The following PLCB1 variants were observed in gnomAD, a reference collection of about 807,000 sequenced individuals.
PLCB1 encodes 1-phosphatidylinositol 4,5-bisphosphate phosphodiesterase beta-1.
A neutral mutation model predicts 161.8 loss-of-function variants in PLCB1; 46 were observed. The ratio of observed to expected loss-of-function variants is 0.28; its 90% CI spans 0.22 to 0.36. The LOEUF (loss-of-function observed/expected upper bound fraction) is 0.36. Among genes scored for constraint, PLCB1 ranks in the 10% least tolerant of loss-of-function variants. The probability of loss-of-function intolerance (pLI) is 1.00; values close to 1 mark genes in which losing one functional copy is unlikely to be tolerated. For missense variants in PLCB1, 1,016 were observed against 1,472.5 expected (o/e 0.69, Z 5.07); for synonymous variants, 517 against 503.7 (o/e 1.03, Z -0.35).
intron 2 of PLCB1, among the ~76,000 whole-genome samples, chr20:8,251,132 A>G (rs190799881): frequency 6.6e-4 from 101 of 152,058 alleles, no homozygotes; most frequent in African/African-American, 2.2e-3. Context: ...ACTTGTCAGA[A>G]GTGCAAAGGG....
chr20:8,780,239 C>T (rs1040496), intron 27 of PLCB1, among the ~76,000 whole-genome samples: 93,511 of 151,982 alleles, frequency 0.62, 29,240 homozygotes, highest in Non-Finnish European at 0.66. Flanking sequence ...ACTCTGGGTA[C>T]TCAGCTCTAC....
Position 8,722,924 on chromosome 20 carries a change from C to T in PLCB1, c.1581+503C>T, listed in dbSNP as rs115154723. On this transcript the variant is annotated intron_variant, in intron 15 of 31. Coordinates refer to ENST00000338037, the MANE Select transcript of PLCB1 (RefSeq NM_015192.4). ...GTTCCAGCTACTAGGGAGGCTGAGG[C>T]AGGAGGATGGCTTGAGTCCAAAAAT... Among the ~76,000 whole-genome samples the T allele has an allele frequency of 1.9e-3, 293 of 152,224 alleles. 1 individual carries two copies. The highest frequency in any genetic ancestry group is 6.8e-3 in the African/African-American group (281 of 41,540).
intron 3 of PLCB1, among the ~76,000 whole-genome samples, chr20:8,603,530 A>G (rs536355725): frequency 1.3e-3 from 203 of 152,332 alleles, no homozygotes; most frequent in Non-Finnish European, 2.7e-3. Context: ...TTGTCCATTC[A>G]ACTGTGTCTA....
chr20:8,538,555 C>T (rs1401524312), intron 3 of PLCB1, among the ~76,000 whole-genome samples: 1 of 152,084 alleles, frequency 6.6e-6, no homozygotes, highest in Non-Finnish European at 1.5e-5. Flanking sequence ...CCCTATGTTG[C>T]CCACCCTTGT....
intron 24 of PLCB1, 94 bp downstream of exon 24, chr20:8,757,272 A>C (rs1488305393): frequency 7.6e-7 from 1 of 1,315,576 alleles, no homozygotes; most frequent in Admixed American, 2.3e-5. Flanking sequence ...TAGCTAAAGC[A>C]TCAAGTGGGG....
chr20:8,263,772 T>G (rs1981823053), intron 2 of PLCB1, among the ~76,000 whole-genome samples: 1 of 152,096 alleles, frequency 6.6e-6, no homozygotes, highest in Non-Finnish European at 1.5e-5. Context: ...ATATAAAAGA[T>G]AAAAGAACAA....
At chr20:8,847,508 T>C (rs766011211) in intron 31 of PLCB1, among the ~76,000 whole-genome samples, 4 of 152,196 alleles carry the variant, frequency 2.6e-5, no homozygotes, top group Non-Finnish European at 5.9e-5. Context: ...AATTTTGGTA[T>C]CTTGTTGAAG....
chr20:8,484,368 T>C (rs1372185789), intron 3 of PLCB1, among the ~76,000 whole-genome samples: 20 of 147,782 alleles, frequency 1.4e-4, no homozygotes, highest in South Asian at 2.1e-4. Context: ...TCTTCTTCTT[T>C]TTTTTTTTTT....
intron 1 of PLCB1, among the ~76,000 whole-genome samples, chr20:8,146,624 A>G (rs1246291487): frequency 1.3e-5 from 2 of 152,194 alleles, no homozygotes; most frequent in Admixed American, 1.3e-4. Context: ...TGAGCAAATC[A>G]TTGTAATGTT....
chr20:8,377,357 T>C (rs708925), intron 3 of PLCB1, among the ~76,000 whole-genome samples: 82,059 of 151,988 alleles, frequency 0.54, 22,748 homozygotes, highest in African/African-American at 0.67. Flanking sequence ...ATGTGGCTAC[T>C]GTAGAGTTCA....
chr20:8,772,042 G>T (rs1452896787), intron 26 of PLCB1, among the ~76,000 whole-genome samples: 1 of 139,590 alleles, frequency 7.2e-6, no homozygotes, highest in Admixed American at 7.3e-5. Flanking sequence ...ACTAGGCCCG[G>T]TTAATTTTTT....
At chr20:8,303,608 A>G (rs1387937939) in intron 2 of PLCB1, among the ~76,000 whole-genome samples, 1 of 152,210 alleles carries the variant, frequency 6.6e-6, no homozygotes, top group Non-Finnish European at 1.5e-5. Flanking sequence ...TAAACAGTGA[A>G]AATACTACTT....
chr20:8,503,394 A>G (rs891456950), intron 3 of PLCB1, among the ~76,000 whole-genome samples: 1 of 151,946 alleles, frequency 6.6e-6, no homozygotes, highest in African/African-American at 2.4e-5. Context: ...CCTTCTACAC[A>G]CTATTCAATA....
chr20:8,837,220 G>A (rs1243906569), intron 31 of PLCB1, among the ~76,000 whole-genome samples: 1 of 152,108 alleles, frequency 6.6e-6, no homozygotes, highest in Middle Eastern at 3.2e-3. Context: ...ATTCTATTCA[G>A]GACCCCTCTT....
At chr20:8,346,447 G>A (rs1001252213) in intron 2 of PLCB1, among the ~76,000 whole-genome samples, 2 of 152,174 alleles carry the variant, frequency 1.3e-5, no homozygotes, top group East Asian at 1.9e-4. Context: ...CCAAAGCAAG[G>A]CCCCTAGCTT....
Position 8,322,883 on chromosome 20 carries a change from A to G in PLCB1, c.178-48499A>G, listed in dbSNP as rs1377016462. Among the ~76,000 whole-genome samples the G allele has an allele frequency of 2.6e-5, 4 of 152,258 alleles. No homozygotes were observed. The East Asian group carries it at 5.8e-4, about 22-fold the overall frequency. On this transcript the variant is annotated intron_variant, in intron 2 of 31. Coordinates refer to ENST00000338037, the MANE Select transcript of PLCB1 (RefSeq NM_015192.4). Reference sequence around the variant, plus strand: ...TTACTGACCAGACGACATGTGTTGAATTGTTTGAGGCTGTACCGCATGTCA... The same window carrying G: ...TTACTGACCAGACGACATGTGTTGAGTTGTTTGAGGCTGTACCGCATGTCA...
chr20:8,326,831 G>A (rs1252431803), intron 2 of PLCB1, among the ~76,000 whole-genome samples: 3 of 152,174 alleles, frequency 2.0e-5, no homozygotes, highest in Non-Finnish European at 4.4e-5. Context: ...TTGCTAGAAT[G>A]TTGACAGGGC....
intron 24 of PLCB1, 50 bp downstream of exon 24, chr20:8,757,228 A>G (rs938669740): frequency 6.5e-7 from 1 of 1,549,888 alleles, no homozygotes; most frequent in Non-Finnish European, 8.7e-7. Flanking sequence ...CCTCCAGTTC[A>G]TTAGTGCCAC....
chr20:8,155,241 T>C (rs1480668848), intron 2 of PLCB1, among the ~76,000 whole-genome samples: 4 of 152,214 alleles, frequency 2.6e-5, no homozygotes, highest in Admixed American at 2.6e-4. Context: ...TTACCCGTGA[T>C]CCTATATTAG....
Sources: gnomAD v4.1 joint callset for allele counts (sites outside exome capture counted in the v4.1 genomes callset) on GRCh38, gnomAD v4.1.1 for gene constraint, MANE v1.5 for transcripts, NCBI Gene and HGNC (gene_info 2026-07-23, HGNC 2026-07-21) for gene names.